MLLT10: variants seen among roughly 807,000 people sequenced by gnomAD.
MLLT10 encodes the protein MLLT10 histone lysine methyltransferase DOT1L cofactor.
MLLT10 carries 30 observed loss-of-function variants against 129.1 expected under a neutral mutation model. The observed-to-expected ratio is 0.23, with a 90% confidence interval of 0.17 to 0.32. MLLT10 has a LOEUF of 0.32. Ranked by LOEUF, MLLT10 falls within the 10% of genes least tolerant of loss-of-function variation. The pLI, the probability that MLLT10 is intolerant of heterozygous loss-of-function variation, is 1.00. For synonymous variants in MLLT10, 490 were observed against 446.4 expected, an observed-to-expected ratio of 1.10 and a Z score of -1.23; for missense variants, 1,119 against 1,268.3, an observed-to-expected ratio of 0.88 and a Z score of 1.79.
At chr10:21,612,226 C>T in intron 5 of MLLT10, 122 bp from the exon 6 acceptor site, 1 of 533,528 alleles carries the variant, frequency 1.9e-6, no homozygotes, top group Non-Finnish European at 3.3e-6. Flanking sequence ...AAAATGAATT[C>T]ATATTTTGAG....
intron 5 of MLLT10, among the ~76,000 whole-genome samples, chr10:21,606,588 G>A (rs1475784210): frequency 6.6e-6 from 1 of 152,184 alleles, no homozygotes; most frequent in Non-Finnish European, 1.5e-5. Context: ...GGATGACTGA[G>A]AGATTCAAGA....
intron 14 of MLLT10, among the ~76,000 whole-genome samples, chr10:21,723,606 C>T (rs2057283882): frequency 6.6e-6 from 1 of 152,114 alleles, no homozygotes; most frequent in Admixed American, 6.5e-5. Context: ...ATGCTATCCT[C>T]AGTGTCTTCT....
chr10:21,641,027 A>G (rs1199106654), intron 8 of MLLT10, among the ~76,000 whole-genome samples: 1 of 152,224 alleles, frequency 6.6e-6, no homozygotes, highest in Non-Finnish European at 1.5e-5. Flanking sequence ...ATTTGGGGCT[A>G]TTAAGGACCA....
intron 8 of MLLT10, chr10:21,624,749 G>A: frequency 1.6e-6 from 2 of 1,233,904 alleles, no homozygotes; most frequent in Non-Finnish European, 2.4e-6. Flanking sequence ...CTTGGAATCA[G>A]GTTGGTTGTA....
intron 14 of MLLT10, among the ~76,000 whole-genome samples, chr10:21,715,430 C>T (rs1357182708): frequency 6.6e-6 from 1 of 152,076 alleles, no homozygotes; most frequent in Non-Finnish European, 1.5e-5. Flanking sequence ...GTGAGGTAGC[C>T]ATAACAGGGG....
At chr10:21,725,012 A>G (rs537361340) in intron 14 of MLLT10, among the ~76,000 whole-genome samples, 17 of 152,250 alleles carry the variant, frequency 1.1e-4, no homozygotes, top group Admixed American at 7.9e-4. Flanking sequence ...TGAGTCCTGC[A>G]TTGTATAGAA....
Position 21,536,311 on chromosome 10 carries a change from C to T in MLLT10, c.160+1507C>T, listed in dbSNP as rs527488679. Among the ~76,000 whole-genome samples the T allele has an allele frequency of 3.3e-5, 5 of 152,228 alleles. No homozygotes were observed. In the East Asian group the frequency reaches 5.8e-4, roughly 18 times the overall value. ...GGAGTGAATACAATGCGTGTCAAACCAGATACTGATTTTAAGGTCATCCCA... is the reference window on the plus strand; with the variant it reads ...GGAGTGAATACAATGCGTGTCAAACTAGATACTGATTTTAAGGTCATCCCA... On this transcript the variant is annotated intron_variant, in intron 2 of 22. Coordinates refer to ENST00000307729, the MANE Select transcript of MLLT10 (RefSeq NM_001195626.3).
intron 5 of MLLT10, among the ~76,000 whole-genome samples, chr10:21,609,975 A>T (rs1299045820): frequency 6.6e-6 from 1 of 152,170 alleles, no homozygotes; most frequent in African/African-American, 2.4e-5. Flanking sequence ...TAAAAAACAA[A>T]GTCTGTCCTC....
At chr10:21,625,772 T>C in intron 8 of MLLT10, 1 of 768,316 alleles carries the variant, frequency 1.3e-6, no homozygotes, top group South Asian at 1.4e-5. Context: ...CTGTCACAGT[T>C]TCACAGCTTC....
At chr10:21,606,548 A>C (rs945120350) in intron 5 of MLLT10, among the ~76,000 whole-genome samples, 49 of 152,128 alleles carry the variant, frequency 3.2e-4, no homozygotes, top group African/African-American at 1.2e-3. Context: ...CATGAACCGG[A>C]GTTTGAAAGA....
At chr10:21,571,361 G>C (rs1300881311) in intron 3 of MLLT10, among the ~76,000 whole-genome samples, 1 of 152,164 alleles carries the variant, frequency 6.6e-6, no homozygotes, top group Non-Finnish European at 1.5e-5. Flanking sequence ...GGTCTCCCTT[G>C]TGAGCTCTAG....
intron 21 of MLLT10, chr10:21,738,505 T>C: frequency 7.8e-7 from 1 of 1,288,082 alleles, no homozygotes; most frequent in Non-Finnish European, 1.0e-6. Flanking sequence ...TTTTCCTTCA[T>C]CTGCCAATGT....
chr10:21,603,270 T>G (rs959710023), intron 5 of MLLT10, among the ~76,000 whole-genome samples: 10 of 150,736 alleles, frequency 6.6e-5, no homozygotes, highest in African/African-American at 2.4e-4. Flanking sequence ...TTTCACCATG[T>G]TGGCCAGGCT....
At chr10:21,567,551 T>C (rs370222613) in intron 3 of MLLT10, among the ~76,000 whole-genome samples, 25 of 152,280 alleles carry the variant, frequency 1.6e-4, no homozygotes, top group Middle Eastern at 3.4e-3. Flanking sequence ...GAGTGGATGC[T>C]CATTAACTAG....
intron 9 of MLLT10, among the ~76,000 whole-genome samples, chr10:21,660,235 T>C (rs912808245): frequency 4.0e-5 from 6 of 151,744 alleles, no homozygotes; most frequent in African/African-American, 1.5e-4. Context: ...ACCAAAGTGC[T>C]GGGATTACAG....
intron 5 of MLLT10, among the ~76,000 whole-genome samples, chr10:21,602,297 A>T (rs2043612218): frequency 6.6e-6 from 1 of 152,138 alleles, no homozygotes; most frequent in Non-Finnish European, 1.5e-5. Context: ...CAGGATACAC[A>T]GTTTGCCTCT....
chr10:21,558,570 G>C (rs1047190393), intron 3 of MLLT10, among the ~76,000 whole-genome samples: 2 of 151,316 alleles, frequency 1.3e-5, no homozygotes, highest in African/African-American at 4.9e-5. Flanking sequence ...TTAAAGAATA[G>C]AGGTGGGGTT....
intron 4 of MLLT10, among the ~76,000 whole-genome samples, chr10:21,593,982 A>G (rs970971166): frequency 6.9e-6 from 1 of 145,206 alleles, no homozygotes; most frequent in African/African-American, 2.5e-5. Flanking sequence ...TGTAGCCAAG[A>G]TGATACTGTT....
chr10:21,569,059 C>T (rs2039911844), intron 3 of MLLT10, among the ~76,000 whole-genome samples: 1 of 152,056 alleles, frequency 6.6e-6, no homozygotes, highest in African/African-American at 2.4e-5. Context: ...ACACCTGAAA[C>T]CTTTTAAATT....
Sources: gnomAD v4.1 joint callset for allele counts (sites outside exome capture counted in the v4.1 genomes callset) on GRCh38, gnomAD v4.1.1 for gene constraint, MANE v1.5 for transcripts, NCBI Gene and HGNC (gene_info 2026-07-23, HGNC 2026-07-21) for gene names.